The following SLC44A1 variants were observed in gnomAD, a reference collection of about 807,000 sequenced individuals.
SLC44A1 encodes the protein solute carrier family 44 member 1, also known as choline transporter-like protein 1.
SLC44A1 carries 26 observed loss-of-function variants against 79.3 expected under a neutral mutation model. The observed-to-expected ratio is 0.33, with a 90% CI of 0.24 to 0.46. The LOEUF is 0.46. SLC44A1 is among the 20% of genes least tolerant of loss of function. SLC44A1 has a pLI of 1.00. For synonymous variants in SLC44A1, 263 were observed against 286.2 expected, an observed-to-expected ratio of 0.92 and a Z score of 0.82; for missense variants, 688 against 798.1, an observed-to-expected ratio of 0.86 and a Z score of 1.66.
chr9:105,408,006 A>C (rs926948039), intron 15 of SLC44A1, among the ~76,000 whole-genome samples: 4 of 151,946 alleles, frequency 2.6e-5, no homozygotes, highest in African/African-American at 9.7e-5. Flanking sequence ...GTCTATACTA[A>C]AGATACAAAA....
At chr9:105,404,274 A>ATAT (rs2131501280) in intron 15 of SLC44A1, among the ~76,000 whole-genome samples, 1 of 150,878 alleles carries the variant, frequency 6.6e-6, no homozygotes, top group Admixed American at 6.6e-5. Context: ...AGAAAGGGAT[A>ATAT]TATTTAAAAG....
chr9:105,433,967 G>A (rs1054250131), intron 15 of SLC44A1, among the ~76,000 whole-genome samples: 1 of 152,220 alleles, frequency 6.6e-6, no homozygotes, highest in Non-Finnish European at 1.5e-5. Context: ...AAGCAACTTA[G>A]AGGAAACAGA....
intron 2 of SLC44A1, among the ~76,000 whole-genome samples, chr9:105,307,592 C>A (rs1007251536): frequency 1.3e-4 from 19 of 150,908 alleles, no homozygotes; most frequent in African/African-American, 4.6e-4. Flanking sequence ...TGCAGTGAGC[C>A]GAGATCGTGC....
chr9:105,336,497 T>C (rs761516951), intron 4 of SLC44A1, among the ~76,000 whole-genome samples: 28 of 152,188 alleles, frequency 1.8e-4, no homozygotes, highest in Non-Finnish European at 3.8e-4. Context: ...AATCGTTTTT[T>C]TAACCACCCT....
chr9:105,329,028 C>T (rs1464866100), intron 3 of SLC44A1, among the ~76,000 whole-genome samples: 3 of 152,118 alleles, frequency 2.0e-5, no homozygotes, highest in African/African-American at 7.2e-5. Flanking sequence ...CCAACACCAG[C>T]CCCTCTGGAA....
chr9:105,309,656 CG>C, intron 2 of SLC44A1, 67 bp from the exon 3 acceptor site: 3 of 1,421,160 alleles, frequency 2.1e-6, no homozygotes, highest in Non-Finnish European at 3.0e-6. Flanking sequence ...AGCTCATTAT[CG>C]TATCAACTAG....
chr9:105,270,244 T>C (rs1236621996), intron 1 of SLC44A1, among the ~76,000 whole-genome samples: 2 of 152,132 alleles, frequency 1.3e-5, no homozygotes, highest in East Asian at 3.9e-4. Context: ...TGTCCCTTTT[T>C]CTAAAAAATT....
chr9:105,342,307 T>A (rs1408404188), intron 4 of SLC44A1, among the ~76,000 whole-genome samples: 1 of 152,162 alleles, frequency 6.6e-6, no homozygotes, highest in Non-Finnish European at 1.5e-5. Context: ...ATACAGATCA[T>A]CCCTTTGTCC....
At chr9:105,342,182 T>C (rs1220410723) in intron 4 of SLC44A1, among the ~76,000 whole-genome samples, 2 of 152,224 alleles carry the variant, frequency 1.3e-5, no homozygotes, top group African/African-American at 4.8e-5. Context: ...CCATGGTCAA[T>C]TGCAGTCTGA....
At position 105,253,923 on chromosome 9, in the gene SLC44A1, A is replaced by G. The variant is rs538480194; in HGVS notation, c.36+9019A>G. On this transcript the variant is annotated intron_variant, in intron 1 of 15. Transcript: ENST00000374720. ...TATTTTTAGTAGAGATGAGGTTTCT[A>G]TGTTGGCCAGGCTGGTCTCGAACTC... Among the ~76,000 whole-genome samples the G allele has an allele frequency of 1.2e-3, 177 of 152,180 alleles. 1 individual carries two copies. Among genetic ancestry groups the G allele is most frequent in the African/African-American group, 3.9e-3 (162 of 41,540 alleles).
chr9:105,354,170 C>T (rs1827545353), intron 5 of SLC44A1, among the ~76,000 whole-genome samples: 1 of 148,868 alleles, frequency 6.7e-6, no homozygotes, highest in South Asian at 2.1e-4. Context: ...CCTGCCTCAG[C>T]CTCCCGAGTA....
intron 15 of SLC44A1, among the ~76,000 whole-genome samples, chr9:105,429,967 G>A (rs1829371575): frequency 1.3e-5 from 2 of 152,038 alleles, no homozygotes; most frequent in South Asian, 4.2e-4. Flanking sequence ...CATGATTACA[G>A]CTCACCACAG....
intron 15 of SLC44A1, among the ~76,000 whole-genome samples, chr9:105,422,398 C>A (rs1166297868): frequency 1.3e-5 from 2 of 149,622 alleles, no homozygotes; most frequent in Non-Finnish European, 3.0e-5. Flanking sequence ...AAGCAATTCT[C>A]CTGCCTCAGC....
chr9:105,273,491 T>C (rs572664977), intron 1 of SLC44A1, among the ~76,000 whole-genome samples: 1 of 152,362 alleles, frequency 6.6e-6, no homozygotes, highest in South Asian at 2.1e-4. Context: ...TTTTGCTTTT[T>C]TCTAGTTCTT....
intron 3 of SLC44A1, among the ~76,000 whole-genome samples, chr9:105,314,006 T>C (rs187720584): frequency 6.6e-6 from 1 of 152,178 alleles, no homozygotes; most frequent in Non-Finnish European, 1.5e-5. Flanking sequence ...TCAGGCAATC[T>C]GTCCACCTCG....
rs896649069 is a variant in SLC44A1 at position 105,393,119 on chromosome 9, T to C, written c.*4063T>C. On this transcript the variant is annotated 3_prime_UTR_variant, in exon 16 of 16. Coordinates refer to ENST00000374720, the MANE Select transcript of SLC44A1 (RefSeq NM_080546.5). Reference sequence around the variant, plus strand: ...TGGTAAGAAGTGGTCTGTGAATGTATATTGAAAAAATGTGGGTTCATAAGT... The same window carrying C: ...TGGTAAGAAGTGGTCTGTGAATGTACATTGAAAAAATGTGGGTTCATAAGT... The C allele has an allele frequency of 1.1e-5, 11 of 985,304 alleles. No homozygotes were observed. The African/African-American group carries it at 1.9e-4, about 17-fold the overall frequency. The allele number at this position is 985,304 out of a possible 1,614,324, so 61.0% of individuals were successfully genotyped here. A position where few individuals can be genotyped will look rare whatever the true frequency, so the allele number is the denominator to read the frequency against.
At chr9:105,431,103 T>C (rs900547845) in intron 15 of SLC44A1, among the ~76,000 whole-genome samples, 4 of 152,246 alleles carry the variant, frequency 2.6e-5, no homozygotes, top group African/African-American at 7.2e-5. Flanking sequence ...TTTGCTATCA[T>C]GACCCAGAAA....
chr9:105,410,800 A>T (rs183043178), intron 15 of SLC44A1, among the ~76,000 whole-genome samples: 3 of 152,356 alleles, frequency 2.0e-5, no homozygotes, highest in African/African-American at 7.2e-5. Flanking sequence ...CCATCAGCTG[A>T]TGAATGATAA....
At chr9:105,267,604 G>C (rs982934090) in intron 1 of SLC44A1, among the ~76,000 whole-genome samples, 4 of 151,918 alleles carry the variant, frequency 2.6e-5, no homozygotes, top group African/African-American at 7.3e-5. Flanking sequence ...GGGTGCTTTT[G>C]TTCTTTTCAG....
Sources: allele counts gnomAD v4.1 joint callset (sites outside exome capture counted in the v4.1 genomes callset), GRCh38; gene constraint gnomAD v4.1.1; transcripts MANE v1.5; gene names NCBI Gene and HGNC (gene_info 2026-07-23, HGNC 2026-07-21).